Variants in PKIB observed in about 807,000 individuals in gnomAD.
PKIB encodes the protein PKI-beta.
In PKIB, 2 loss-of-function variants were observed where a neutral mutation model predicts 4.5. That is an observed-to-expected ratio of 0.44 (90% confidence interval 0.18 to 1.39). The LOEUF (loss-of-function observed/expected upper bound fraction) is 1.39, where lower values mean the gene tolerates loss of function less well. Among genes scored for constraint, PKIB ranks in the 40% most tolerant of loss-of-function variants. The probability of loss-of-function intolerance (pLI) is 0.27; values close to 1 mark genes in which losing one functional copy is unlikely to be tolerated. For synonymous variants in PKIB, 38 were observed against 36.0 expected (o/e 1.06, Z -0.20); for missense variants, 94 against 92.6 (o/e 1.02, Z -0.06).
At chr6:122,650,104 C>T (rs1582775754) in intron 2 of PKIB, among the ~76,000 whole-genome samples, 1 of 152,146 alleles carries the variant, frequency 6.6e-6, no homozygotes, top group South Asian at 2.1e-4. Flanking sequence ...AAGAGGCCCA[C>T]TTGGCATTGT....
chr6:122,706,019 G>T (rs533857717), intron 3 of PKIB, among the ~76,000 whole-genome samples: 3 of 151,980 alleles, frequency 2.0e-5, no homozygotes, highest in Non-Finnish European at 4.4e-5. Flanking sequence ...CTCCACGTGG[G>T]CATAACACTC....
chr6:122,702,946 TCTC>T (rs1778888357), intron 3 of PKIB, among the ~76,000 whole-genome samples: 1 of 152,158 alleles, frequency 6.6e-6, no homozygotes, highest in African/African-American at 2.4e-5. Flanking sequence ...TCGTGTACTT[TCTC>T]CTCCATTTTT....
intron 3 of PKIB, among the ~76,000 whole-genome samples, chr6:122,677,557 G>A (rs1777720327): frequency 6.6e-6 from 1 of 152,166 alleles, no homozygotes; most frequent in South Asian, 2.1e-4. Flanking sequence ...GAGATTGACT[G>A]TCTTCTCACC....
intron 2 of PKIB, among the ~76,000 whole-genome samples, chr6:122,566,277 G>T (rs1445780735): frequency 1.3e-5 from 2 of 152,046 alleles, no homozygotes; most frequent in East Asian, 3.9e-4. Context: ...GGAACACTGG[G>T]CCAGGAGTCA....
chr6:122,721,436 G>A (rs533559808), intron 4 of PKIB, among the ~76,000 whole-genome samples: 6 of 152,258 alleles, frequency 3.9e-5, no homozygotes, highest in African/African-American at 1.4e-4. Context: ...TTTAGACAAG[G>A]ACTTCTCAGA....
At chr6:122,496,060 C>G (rs1170249965) in intron 2 of PKIB, among the ~76,000 whole-genome samples, 1 of 152,094 alleles carries the variant, frequency 6.6e-6, no homozygotes, top group African/African-American at 2.4e-5. Context: ...GCTCAGGGCA[C>G]CAGGTACTTC....
At chr6:122,582,775 C>T (rs952600590) in intron 2 of PKIB, among the ~76,000 whole-genome samples, 1 of 151,998 alleles carries the variant, frequency 6.6e-6, no homozygotes, top group African/African-American at 2.4e-5. Flanking sequence ...GTAATAGAGG[C>T]TCCACGAGGT....
At chr6:122,485,837 A>C (rs1205803590) in intron 2 of PKIB, among the ~76,000 whole-genome samples, 1 of 152,194 alleles carries the variant, frequency 6.6e-6, no homozygotes, top group Non-Finnish European at 1.5e-5. Context: ...GGTTGGATTC[A>C]CTGTAACTTT....
chr6:122,581,255 G>A (rs937797572), intron 2 of PKIB, among the ~76,000 whole-genome samples: 2 of 152,136 alleles, frequency 1.3e-5, no homozygotes, highest in South Asian at 2.1e-4. Context: ...CAATTTCTTG[G>A]TATTGCAATG....
At position 122,526,789 on chromosome 6, in the gene PKIB, G is replaced by A. The variant is rs185942333; in HGVS notation, c.-248+48850G>A. ...AAATGGATTTTCAAGTGGTAAATGAGCATTTGTTTCTAGCTAAAGTTACCA... is the reference window on the plus strand; with the variant it reads ...AAATGGATTTTCAAGTGGTAAATGAACATTTGTTTCTAGCTAAAGTTACCA... On this transcript the variant is annotated intron_variant, in intron 2 of 6. Transcript: ENST00000392491. Among the ~76,000 whole-genome samples, 251 of 152,182 alleles carry A rather than the reference G, an allele frequency of 1.6e-3. 1 individual carries two copies. Among genetic ancestry groups the A allele is most frequent in the Non-Finnish European group, 2.8e-3 (192 of 67,982 alleles).
rs970179865 is a variant in PKIB, at chr6:122,538,656, A to G, written c.-247-47265A>G. Among the ~76,000 whole-genome samples the G allele has an allele frequency of 8.9e-4, 135 of 152,204 alleles. 3 individuals are homozygous for G. Among genetic ancestry groups the G allele is most frequent in the African/African-American group, 3.2e-3 (133 of 41,496 alleles). Reference sequence around the variant, plus strand: ...CTTTTGGCTTAGGATTGACTTGGCAATGCAGGCTCTTTTTTGGTTCCATAT... The same window carrying G: ...CTTTTGGCTTAGGATTGACTTGGCAGTGCAGGCTCTTTTTTGGTTCCATAT... On this transcript the variant is annotated intron_variant, in intron 2 of 6. Transcript: ENST00000392491.
chr6:122,534,863 G>A (rs1205418889), intron 2 of PKIB, among the ~76,000 whole-genome samples: 1 of 152,094 alleles, frequency 6.6e-6, no homozygotes, highest in Non-Finnish European at 1.5e-5. Context: ...TTCTATATAT[G>A]TGTGATTAAT....
chr6:122,685,226 G>A (rs1778050017), intron 3 of PKIB, among the ~76,000 whole-genome samples: 2 of 152,054 alleles, frequency 1.3e-5, no homozygotes, highest in African/African-American at 2.4e-5. Context: ...GTTTTAAAAA[G>A]ACTAAAAATT....
At chr6:122,699,467 T>A (rs9388119) in intron 3 of PKIB, among the ~76,000 whole-genome samples, 37,749 of 132,446 alleles carry the variant, frequency 0.29, 5,191 homozygotes, top group East Asian at 0.49. Flanking sequence ...ACCTGAACTG[T>A]ATGGGACCAT....
At chr6:122,634,394 G>C (rs1640846279) in intron 2 of PKIB, among the ~76,000 whole-genome samples, 1 of 151,962 alleles carries the variant, frequency 6.6e-6, no homozygotes, top group African/African-American at 2.4e-5. Flanking sequence ...AATGTTATCA[G>C]CTTGGTAAAA....
chr6:122,714,475 A>C (rs1360039719), intron 3 of PKIB, among the ~76,000 whole-genome samples: 1 of 152,218 alleles, frequency 6.6e-6, no homozygotes, highest in African/African-American at 2.4e-5. Flanking sequence ...ATCGATCTAC[A>C]AAAAGGACTA....
chr6:122,712,063 AT>A (rs1368005592), intron 3 of PKIB, among the ~76,000 whole-genome samples: 1 of 152,204 alleles, frequency 6.6e-6, no homozygotes, highest in Non-Finnish European at 1.5e-5. Context: ...GCAGGTCTAC[AT>A]TTCATGTAAG....
intron 2 of PKIB, among the ~76,000 whole-genome samples, chr6:122,556,240 C>T (rs1385565142): frequency 6.6e-6 from 1 of 152,150 alleles, no homozygotes; most frequent in Non-Finnish European, 1.5e-5. Flanking sequence ...CCCCTTCCAC[C>T]ATAATTGTAA....
At chr6:122,562,006 T>TTTTTTTTTTTTTTTTTTTTTTTTA (rs1562252096) in intron 2 of PKIB, among the ~76,000 whole-genome samples, 1 of 142,042 alleles carries the variant, frequency 7.0e-6, no homozygotes, top group East Asian at 2.0e-4. Flanking sequence ...TTTTTTTTGT[T>TTTTTTTTTTTTTTTTTTTTTTTTA]TTTTTTTTTT....
Sources: allele counts gnomAD v4.1 joint callset (sites outside exome capture counted in the v4.1 genomes callset), GRCh38; gene constraint gnomAD v4.1.1; transcripts MANE v1.5; gene names NCBI Gene and HGNC (gene_info 2026-07-23, HGNC 2026-07-21).